Variants in SYNDIG1L observed in about 807,000 individuals in gnomAD.
The protein encoded by SYNDIG1L is synapse differentiation inducing 1 like, also known as synapse differentiation-inducing gene protein 1-like.
SYNDIG1L carries 13 observed loss-of-function variants against 20.1 expected under a neutral mutation model. The ratio of observed to expected loss-of-function variants is 0.65; its 90% confidence interval spans 0.42 to 1.03. The LOEUF (loss-of-function observed/expected upper bound fraction) is 1.03. Ranked by LOEUF, SYNDIG1L falls within the 50% of genes least tolerant of loss-of-function variation. The pLI, the probability that SYNDIG1L is intolerant of heterozygous loss-of-function variation, is 0.00. For synonymous variants in SYNDIG1L, 128 were observed against 129.3 expected, an observed-to-expected ratio of 0.99 and a Z score of 0.07; for missense variants, 294 against 305.1, an observed-to-expected ratio of 0.96 and a Z score of 0.27.
At chr14:74,413,514 G>A (rs1298932694) in intron 1 of SYNDIG1L, among the ~76,000 whole-genome samples, 1 of 152,034 alleles carries the variant, frequency 6.6e-6, no homozygotes, top group African/African-American at 2.4e-5. Flanking sequence ...TCTCAACTCC[G>A]CCAAAATGTC....
chr14:74,413,670 T>C (rs1482943121), intron 1 of SYNDIG1L, among the ~76,000 whole-genome samples: 2 of 152,182 alleles, frequency 1.3e-5, no homozygotes, highest in African/African-American at 2.4e-5. Flanking sequence ...AGATTTCTTC[T>C]GAGCCAAATT....
At chr14:74,413,331 GA>G (rs2086147390) in intron 1 of SYNDIG1L, among the ~76,000 whole-genome samples, 1 of 152,168 alleles carries the variant, frequency 6.6e-6, no homozygotes, top group Non-Finnish European at 1.5e-5. Flanking sequence ...TACACAATAT[GA>G]AAAACTGGAA....
chr14:74,449,438 CA>C, the SYNDIG1L span, among the ~76,000 whole-genome samples: 648 of 33,988 alleles, frequency 0.019, no homozygotes, highest in African/African-American at 0.039. Flanking sequence ...CCTGTCTTTA[CA>C]AAAAAAAAAA....
chr14:74,428,263 T>C (rs1595201864), upstream of SYNDIG1L, among the ~76,000 whole-genome samples: 3 of 152,224 alleles, frequency 2.0e-5, no homozygotes, highest in East Asian at 5.8e-4. Flanking sequence ...CAGAGAACAG[T>C]GGGTAATGCA....
intron 2 of SYNDIG1L, among the ~76,000 whole-genome samples, chr14:74,408,668 A>G (rs191716474): frequency 6.6e-6 from 1 of 152,338 alleles, no homozygotes; most frequent in East Asian, 1.9e-4. Flanking sequence ...ACCATTAACA[A>G]TCACCTCTCA....
chr14:74,460,083 C>T, the SYNDIG1L span, among the ~76,000 whole-genome samples: 1 of 152,262 alleles, frequency 6.6e-6, no homozygotes, highest in African/African-American at 2.4e-5. Flanking sequence ...CTCTCTCCTA[C>T]AGACATGGCT....
At chr14:74,443,962 C>T in the SYNDIG1L span, among the ~76,000 whole-genome samples, 2 of 152,226 alleles carry the variant, frequency 1.3e-5, no homozygotes, top group African/African-American at 4.8e-5. Flanking sequence ...ACAGATCTCT[C>T]TCAACTCTTG....
chr14:74,415,675 G>A (rs1369535340), intron 1 of SYNDIG1L, among the ~76,000 whole-genome samples: 2 of 151,984 alleles, frequency 1.3e-5, no homozygotes, highest in African/African-American at 2.4e-5. Flanking sequence ...AGGTAGCTGG[G>A]ACTATAGGCA....
intron 1 of SYNDIG1L, among the ~76,000 whole-genome samples, chr14:74,413,776 TCACACACA>T (rs3047686): frequency 6.7e-6 from 1 of 150,038 alleles, no homozygotes; most frequent in Non-Finnish European, 1.5e-5. Flanking sequence ...ACATATACAC[TCACACACA>T]CACACACACA....
chr14:74,423,866 G>A (rs1332577886), intron 1 of SYNDIG1L, among the ~76,000 whole-genome samples: 1 of 151,510 alleles, frequency 6.6e-6, no homozygotes, highest in African/African-American at 2.4e-5. Flanking sequence ...CACAAGAGAT[G>A]GTGGTGGTGG....
chr14:74,471,611 C>CACACAT, the SYNDIG1L span, among the ~76,000 whole-genome samples: 2 of 151,754 alleles, frequency 1.3e-5, no homozygotes, highest in Non-Finnish European at 1.5e-5. Context: ...CACACACACA[C>CACACAT]ACACATACAC....
upstream of SYNDIG1L, among the ~76,000 whole-genome samples, chr14:74,429,888 G>A (rs1248444433): frequency 1.3e-5 from 2 of 152,222 alleles, no homozygotes; most frequent in African/African-American, 2.4e-5. Context: ...CCCCAGCAAT[G>A]AAGTCTAGAG....
At chr14:74,412,181 C>T (rs1472178939) in intron 1 of SYNDIG1L, among the ~76,000 whole-genome samples, 2 of 152,194 alleles carry the variant, frequency 1.3e-5, no homozygotes, top group Admixed American at 6.5e-5. Context: ...CACCTTCCAG[C>T]AGGTGGGGAG....
chr14:74,462,317 G>C, the SYNDIG1L span, among the ~76,000 whole-genome samples: 2 of 151,152 alleles, frequency 1.3e-5, no homozygotes. Context: ...AACTCCGTCT[G>C]TACTAAAAAT....
chr14:74,457,156 G>A, the SYNDIG1L span, among the ~76,000 whole-genome samples: 4 of 152,168 alleles, frequency 2.6e-5, no homozygotes, highest in East Asian at 5.8e-4. Context: ...GACCCCAGGC[G>A]ACCTCAGAAA....
chr14:74,437,203 T>C, the SYNDIG1L span, among the ~76,000 whole-genome samples: 2 of 152,232 alleles, frequency 1.3e-5, no homozygotes, highest in Non-Finnish European at 2.9e-5. Context: ...TGGGACCTCA[T>C]GCCTGCTGTT....
intron 1 of SYNDIG1L, among the ~76,000 whole-genome samples, chr14:74,414,984 G>A (rs2086163331): frequency 6.6e-6 from 1 of 152,208 alleles, no homozygotes; most frequent in Admixed American, 6.5e-5. Context: ...CCTGACACTT[G>A]ACACTGCGTT....
At chr14:74,465,430 T>C in the SYNDIG1L span, among the ~76,000 whole-genome samples, 1 of 152,188 alleles carries the variant, frequency 6.6e-6, no homozygotes, top group Non-Finnish European at 1.5e-5. Flanking sequence ...CACCATTGCC[T>C]GGAGAGTGGA....
chr14:74,449,438 CAAAAAAAAAA>C, the SYNDIG1L span, among the ~76,000 whole-genome samples: 17 of 34,016 alleles, frequency 5.0e-4, no homozygotes, highest in African/African-American at 1.5e-3. Context: ...CCTGTCTTTA[CAAAAAAAAAA>C]AAAAAAAAAA....
Sources: gnomAD v4.1 joint callset for allele counts (sites outside exome capture counted in the v4.1 genomes callset) on GRCh38, gnomAD v4.1.1 for gene constraint, MANE v1.5 for transcripts, NCBI Gene and HGNC (gene_info 2026-07-23, HGNC 2026-07-21) for gene names.